Variants in ASMTL observed in about 807,000 individuals in gnomAD.
ASMTL encodes the protein probable bifunctional dTTP/UTP pyrophosphatase/methyltransferase protein.
Under a neutral mutation model 60.3 loss-of-function variants are expected in ASMTL, and 57 were observed. The ratio of observed to expected loss-of-function variants is 0.95; its 90% confidence interval spans 0.76 to 1.18. The LOEUF is 1.18. Among genes scored for constraint, ASMTL ranks in the 50% most tolerant of loss-of-function variants. The pLI is 0.00. For missense variants in ASMTL, 981 were observed against 852.6 expected (o/e 1.15, Z -1.88); for synonymous variants, 419 against 373.0 (o/e 1.12, Z -1.42).
chrX:1,424,402 G>C (rs111066034), intron 8 of ASMTL, among the ~76,000 whole-genome samples: 4 of 138,144 alleles, frequency 2.9e-5, no homozygotes, highest in African/African-American at 5.5e-5. Flanking sequence ...CCACCCATCC[G>C]TCTATTCACC....
intron 1 of ASMTL, among the ~76,000 whole-genome samples, chrX:1,443,139 ACGC>A (rs1273289912): frequency 1.3e-5 from 2 of 150,880 alleles, no homozygotes; most frequent in East Asian, 3.9e-4. Context: ...TCGTGGACAC[ACGC>A]CGCCATCTTG....
In ASMTL at chrX:1,419,049, C is replaced by A; in HGVS notation, c.1311G>T (p.Lys437Asn). ...RFMRAMHGMT[K>N]LTACQVATAF... ...CCGTGGCCACCTGGCACGCAGTCAGCTTCGTCATGCCGTGCATGGCCCGCA... is the reference window on the plus strand; with the variant it reads ...CCGTGGCCACCTGGCACGCAGTCAGATTCGTCATGCCGTGCATGGCCCGCA... Residue 437 changes from lysine (K) to asparagine (N), a missense_variant, in exon 10 of 13, where the codon AAG becomes AAT. Lys to Asn is a moderately conservative substitution (Grantham distance 94). Transcript: ENST00000381317. 6.2e-7 allele frequency: 1 copy of A among 1,611,542 alleles called. No individual in the cohort carries two copies. The highest frequency in any genetic ancestry group is 2.2e-4 in the Middle Eastern group (1 of 4,532).
At chrX:1,410,984 G>A (rs1381892741) in intron 12 of ASMTL, among the ~76,000 whole-genome samples, 16 of 151,794 alleles carry the variant, frequency 1.1e-4, no homozygotes, top group African/African-American at 1.9e-4. Flanking sequence ...TTGGGAGTTC[G>A]AGACCAGCCT....
At chrX:1,419,873 C>A (rs2090425087) in intron 9 of ASMTL, among the ~76,000 whole-genome samples, 1 of 152,216 alleles carries the variant, frequency 6.6e-6, no homozygotes, top group South Asian at 2.1e-4. Flanking sequence ...CTCAGGGCCC[C>A]TGTCCGTGCC....
At chrX:1,412,056 AT>A (rs1192461043) in intron 12 of ASMTL, among the ~76,000 whole-genome samples, 1 of 151,252 alleles carries the variant, frequency 6.6e-6, no homozygotes, top group African/African-American at 2.4e-5. Flanking sequence ...ACCTCAGGTG[AT>A]CCGCCCGCCT....
chrX:1,414,430 C>G (rs1438054255), intron 11 of ASMTL, among the ~76,000 whole-genome samples: 4 of 152,156 alleles, frequency 2.6e-5, no homozygotes, highest in African/African-American at 9.7e-5. Context: ...TAAACTTTAG[C>G]ATTTCCGGCC....
In ASMTL at chrX:1,436,283, C is replaced by A. The variant is rs748126952; in HGVS notation, c.274-525G>T. Among the ~76,000 whole-genome samples, 79 of 152,176 alleles carry A rather than the reference C, an allele frequency of 5.2e-4. 3 individuals are homozygous for A. In the South Asian group the frequency reaches 0.015, roughly 28 times the overall value. ...CCGCCTCCGGGGTTCAAGTGATTCT[C>A]CTGCCTCAGCCTCCCGAGTTGCTGG... On this transcript the variant is annotated intron_variant, in intron 3 of 12. Transcript: ENST00000381317.
At chrX:1,424,549 CATCCATCCATCT>C (rs2090563055) in intron 8 of ASMTL, among the ~76,000 whole-genome samples, 2 of 83,286 alleles carry the variant, frequency 2.4e-5, no homozygotes, top group South Asian at 8.3e-4. Flanking sequence ...CACATCCATC[CATCCATCCATCT>C]GTCCGTCCAT....
At chrX:1,442,081 A>T (rs1198448727) in intron 2 of ASMTL, 105 bp downstream of exon 2, 1 of 1,362,526 alleles carries the variant, frequency 7.3e-7, no homozygotes, top group Non-Finnish European at 1.0e-6. Context: ...CACCAACTGC[A>T]TCTTTTGAAT....
At chrX:1,415,970 G>A (rs1482735352) in intron 11 of ASMTL, among the ~76,000 whole-genome samples, 3 of 151,664 alleles carry the variant, frequency 2.0e-5, no homozygotes, top group African/African-American at 7.3e-5. Context: ...CAGATACACT[G>A]ACAGGTACAC....
intron 9 of ASMTL, 28 bp from the exon 10 acceptor site, chrX:1,419,142 C>T: frequency 6.2e-7 from 1 of 1,608,704 alleles, no homozygotes; most frequent in Non-Finnish European, 8.5e-7. Context: ...CTTAGGGGCA[C>T]CAGAGAACAC....
At chrX:1,411,607 C>G (rs1411045544) in intron 12 of ASMTL, among the ~76,000 whole-genome samples, 3 of 152,196 alleles carry the variant, frequency 2.0e-5, no homozygotes, top group Admixed American at 1.3e-4. Context: ...TGCGTAGAAA[C>G]ACACAGATTA....
chrX:1,448,718 T>G (rs1603451894), intron 1 of ASMTL, among the ~76,000 whole-genome samples: 2 of 151,608 alleles, frequency 1.3e-5, no homozygotes, highest in South Asian at 4.2e-4. Context: ...ACCACCATCT[T>G]GGACACACAC....
At chrX:1,412,627 C>T (rs5949003) in intron 12 of ASMTL, 105 bp downstream of exon 12, 126 of 1,508,950 alleles carry the variant, frequency 8.4e-5, no homozygotes, top group South Asian at 3.1e-4. Context: ...CCTCCCAAAG[C>T]GCTGGGATGA....
intron 3 of ASMTL, among the ~76,000 whole-genome samples, chrX:1,438,596 C>T (rs1488759752): frequency 1.3e-5 from 2 of 152,170 alleles, no homozygotes; most frequent in African/African-American, 4.8e-5. Flanking sequence ...TCACTGCAAC[C>T]CCGCCTCCTG....
rs1324369015 is a variant in ASMTL, at chrX:1,410,488, C to T, written c.1645+2244G>A. 2.4e-4 allele frequency among the ~76,000 whole-genome samples: 37 copies of T among 151,880 alleles called. 1 individual carries two copies. The highest frequency in any genetic ancestry group is 4.4e-5 in the Non-Finnish European group (3 of 67,996). The stretch of plus-strand genomic sequence containing the variant: ...GGAGTGCAGTGGCGCGATCTCTGCT[C>T]ACTGCAACCTTCGCCTCCCAGGTTC... On this transcript the variant is annotated intron_variant, in intron 12 of 12. Transcript: ENST00000381317.
Position 1,442,258 on chromosome X carries a change from G to T in ASMTL, c.153C>A (p.Phe51Leu), listed in dbSNP as rs202058812. The T allele has an allele frequency of 4.3e-6, 7 of 1,613,868 alleles. No homozygotes were observed. The highest frequency in any genetic ancestry group is 5.1e-6 in the Non-Finnish European group (6 of 1,179,848). ...CCATGGCGTACCCATACGGAGTAGCGAAGGAGGCTTTGTCCAGCTTCTCTT... is the reference window on the plus strand; with the variant it reads ...CCATGGCGTACCCATACGGAGTAGCTAAGGAGGCTTTGTCCAGCTTCTCTT... ...KFKEKLDKAS[F>L]ATPYGYAMET... The change falls in exon 2 of 13, where the codon TTC becomes TTA. Residue 51 changes from phenylalanine (F) to leucine (L), a missense_variant. Transcript: ENST00000381317.
chrX:1,437,450 C>A (rs2090997764), intron 3 of ASMTL, among the ~76,000 whole-genome samples: 3 of 151,402 alleles, frequency 2.0e-5, no homozygotes, highest in Non-Finnish European at 2.9e-5. Context: ...CCTCCTGAGG[C>A]CTCTCTCCTG....
intron 11 of ASMTL, 144 bp from the exon 12 acceptor site, chrX:1,412,998 A>T (rs1233299503): frequency 2.3e-6 from 2 of 872,332 alleles, no homozygotes; most frequent in East Asian, 4.9e-5. Context: ...CCTGAAGTAC[A>T]TCCCCGTGGG....
Sources: gnomAD v4.1 joint callset for allele counts (sites outside exome capture counted in the v4.1 genomes callset) on GRCh38, gnomAD v4.1.1 for gene constraint, MANE v1.5 for transcripts, NCBI Gene and HGNC (gene_info 2026-07-23, HGNC 2026-07-21) for gene names.